BMPR1B: variants seen among roughly 807,000 people sequenced by gnomAD.
BMPR1B encodes bone morphogenetic protein receptor type-1B.
Under a neutral mutation model 59.1 loss-of-function variants are expected in BMPR1B, and 12 were observed. That is an observed-to-expected ratio of 0.20 (90% CI 0.13 to 0.33). The LOEUF (loss-of-function observed/expected upper bound fraction) is 0.33, where lower values mean the gene tolerates loss of function less well. BMPR1B is among the 10% of genes least tolerant of loss of function. The pLI, the probability that BMPR1B is intolerant of heterozygous loss-of-function variation, is 1.00. For missense variants in BMPR1B, 550 were observed against 610.9 expected, an observed-to-expected ratio of 0.90 and a Z score of 1.05; for synonymous variants, 237 against 207.3, an observed-to-expected ratio of 1.14 and a Z score of -1.23.
At chr4:94,990,580 C>A (rs986749329) in intron 2 of BMPR1B, among the ~76,000 whole-genome samples, 2 of 152,164 alleles carry the variant, frequency 1.3e-5, no homozygotes, top group African/African-American at 4.8e-5. Flanking sequence ...GATGAGGAAA[C>A]TAAGTCACAT....
intron 1 of BMPR1B, among the ~76,000 whole-genome samples, chr4:94,867,117 C>T (rs1370692449): frequency 6.6e-6 from 1 of 152,052 alleles, no homozygotes; most frequent in Admixed American, 6.5e-5. Context: ...TGGCTCTTAC[C>T]TGCGTCTTAA....
At chr4:94,941,308 T>A (rs1189735101) in intron 2 of BMPR1B, among the ~76,000 whole-genome samples, 3 of 151,892 alleles carry the variant, frequency 2.0e-5, no homozygotes, top group Non-Finnish European at 4.4e-5. Flanking sequence ...GGTGCACGCC[T>A]GTAGTCCCAG....
intron 3 of BMPR1B, among the ~76,000 whole-genome samples, chr4:95,041,558 A>C (rs1725653488): frequency 6.6e-6 from 1 of 151,156 alleles, no homozygotes; most frequent in African/African-American, 2.4e-5. Context: ...ATGTTTGCTG[A>C]GTGAATCTTA....
chr4:95,140,314 A>T (rs2149315196), intron 10 of BMPR1B, among the ~76,000 whole-genome samples: 1 of 152,036 alleles, frequency 6.6e-6, no homozygotes, highest in Admixed American at 6.6e-5. Flanking sequence ...GATGAAGGAA[A>T]AAGAACTTTT....
At chr4:94,786,572 T>C in intron 1 of BMPR1B, among the ~76,000 whole-genome samples, 1 of 152,176 alleles carries the variant, frequency 6.6e-6, no homozygotes, top group Non-Finnish European at 1.5e-5. Flanking sequence ...GGAGTCTCGC[T>C]CTGTTGCCCA....
At chr4:94,941,869 TC>T (rs1729528218) in intron 2 of BMPR1B, among the ~76,000 whole-genome samples, 1 of 152,232 alleles carries the variant, frequency 6.6e-6, no homozygotes, top group Non-Finnish European at 1.5e-5. Context: ...TTGTTTTGCG[TC>T]TCAGACATCA....
chr4:94,934,671 C>G (rs1438885274), intron 2 of BMPR1B, among the ~76,000 whole-genome samples: 1 of 151,924 alleles, frequency 6.6e-6, no homozygotes, highest in African/African-American at 2.4e-5. Flanking sequence ...AGTCTGAGAT[C>G]CAAAGTAGAG....
intron 2 of BMPR1B, among the ~76,000 whole-genome samples, chr4:94,948,673 G>C (rs1398904877): frequency 6.6e-6 from 1 of 152,112 alleles, no homozygotes; most frequent in African/African-American, 2.4e-5. Context: ...GGGCAACTTC[G>C]ATAACTGTTT....
intron 3 of BMPR1B, among the ~76,000 whole-genome samples, chr4:95,039,482 C>G (rs1375635010): frequency 6.9e-6 from 1 of 144,996 alleles, no homozygotes; most frequent in Non-Finnish European, 1.5e-5. Context: ...CCCCAGTGTT[C>G]TGAAAGTTTT....
intron 5 of BMPR1B, 75 bp from the exon 6 acceptor site, chr4:95,115,610 A>G (rs1358040111): frequency 8.7e-6 from 11 of 1,262,480 alleles, no homozygotes; most frequent in South Asian, 7.2e-5. Context: ...AATAGTGACT[A>G]TTTTTAAAGT....
At chr4:94,838,032 T>C (rs1267717393) in intron 1 of BMPR1B, among the ~76,000 whole-genome samples, 1 of 141,914 alleles carries the variant, frequency 7.0e-6, no homozygotes, top group Non-Finnish European at 1.6e-5. Flanking sequence ...GGTTTTTGTC[T>C]TTGGCTCTGT....
intron 11 of BMPR1B, among the ~76,000 whole-genome samples, chr4:95,151,918 G>A (rs1232122422): frequency 6.6e-6 from 1 of 152,098 alleles, no homozygotes; most frequent in Admixed American, 6.5e-5. Flanking sequence ...AGGAGAAGAG[G>A]AAGAAGGTAG....
At chr4:95,003,314 T>G (rs929204799) in intron 3 of BMPR1B, among the ~76,000 whole-genome samples, 2 of 152,190 alleles carry the variant, frequency 1.3e-5, no homozygotes, top group Non-Finnish European at 2.9e-5. Context: ...CTCACTTTTT[T>G]TGTGAACTCA....
At chr4:95,084,034 T>C (rs1399085889) in intron 3 of BMPR1B, among the ~76,000 whole-genome samples, 1 of 152,082 alleles carries the variant, frequency 6.6e-6, no homozygotes, top group Non-Finnish European at 1.5e-5. Flanking sequence ...AAGTCTTGTT[T>C]CAGTCCTTTC....
chr4:94,809,398 G>A (rs957178612), intron 1 of BMPR1B, among the ~76,000 whole-genome samples: 4 of 152,268 alleles, frequency 2.6e-5, no homozygotes, highest in East Asian at 1.9e-4. Context: ...GCCACAATAA[G>A]ATGAACACAA....
chr4:94,758,503 CCGGGAAATGGGAGGGAGCCCGGCGGGG>C (rs1390716576), intron 1 of BMPR1B, among the ~76,000 whole-genome samples: 3 of 151,896 alleles, frequency 2.0e-5, no homozygotes, highest in Non-Finnish European at 2.9e-5. Flanking sequence ...GTCGCGGAAT[CCGGGAAATGGGAGGGAGCCCGGCGGGG>C]CGGGGGCCCA....
intron 2 of BMPR1B, among the ~76,000 whole-genome samples, chr4:94,898,216 G>A (rs542517513): frequency 4.0e-5 from 6 of 151,710 alleles, no homozygotes; most frequent in Non-Finnish European, 7.4e-5. Flanking sequence ...CCTCCCAAGG[G>A]GCTGAGATTG....
intron 2 of BMPR1B, among the ~76,000 whole-genome samples, chr4:94,940,578 G>A (rs905027035): frequency 2.6e-5 from 4 of 152,100 alleles, no homozygotes; most frequent in African/African-American, 9.7e-5. Context: ...TGTATAATAC[G>A]TGTAAGCTGT....
chr4:95,039,769 A>AT (rs939070080), intron 3 of BMPR1B, among the ~76,000 whole-genome samples: 16 of 151,644 alleles, frequency 1.1e-4, no homozygotes, highest in East Asian at 1.9e-4. Context: ...TTTTTTTGCA[A>AT]TTTTTTTTAG....
Sources: allele counts gnomAD v4.1 joint callset (sites outside exome capture counted in the v4.1 genomes callset), GRCh38; gene constraint gnomAD v4.1.1; transcripts MANE v1.5; gene names NCBI Gene and HGNC (gene_info 2026-07-23, HGNC 2026-07-21).